The following ELMO2 variants were observed in gnomAD, a reference collection of about 807,000 sequenced individuals.
ELMO2 encodes engulfment and cell motility protein 2.
A neutral mutation model predicts 96.2 loss-of-function variants in ELMO2; 37 were observed. The ratio of observed to expected loss-of-function variants is 0.38; its 90% CI spans 0.30 to 0.51. ELMO2 has a LOEUF of 0.51. ELMO2 is among the 20% of genes least tolerant of loss of function. The pLI, the probability that ELMO2 is intolerant of heterozygous loss-of-function variation, is 0.88. For missense variants in ELMO2, 561 were observed against 912.6 expected, an observed-to-expected ratio of 0.61 and a Z score of 4.96; for synonymous variants, 315 against 329.4, an observed-to-expected ratio of 0.96 and a Z score of 0.47.
rs1335873714 is a variant in ELMO2, at chr20:46,406,537, C to A, written c.-126+11G>T. The A allele has an allele frequency of 6.6e-6, 1 of 152,606 alleles. No homozygotes were observed. Among genetic ancestry groups the A allele is most frequent in the Admixed American group, 6.5e-5 (1 of 15,290 alleles). 9.5% of individuals were successfully genotyped at this position (152,606 alleles called of 1,614,324 possible). A position where few individuals can be genotyped will look rare whatever the true frequency, so the allele number is the denominator to read the frequency against. On this transcript the variant is annotated intron_variant, in intron 1 of 21. Coordinates refer to ENST00000290246, the MANE Select transcript of ELMO2 (RefSeq NM_133171.5). ...TGCCGCGCCCCGACCCCCAGGGCGC[C>A]CCTCACTCACCAGGGCGCAGACCTA...
At chr20:46,372,068 A>G in intron 16 of ELMO2, 99 bp from the exon 17 acceptor site, 1 of 1,497,098 alleles carries the variant, frequency 6.7e-7, no homozygotes, top group South Asian at 1.2e-5. Flanking sequence ...CAGGGTCTTG[A>G]GCAGGGCAGG....
chr20:46,404,782 TATA>T (rs369708409), intron 1 of ELMO2, among the ~76,000 whole-genome samples: 161 of 152,350 alleles, frequency 1.1e-3, no homozygotes, highest in South Asian at 3.5e-3. Flanking sequence ...TTGATTATGT[TATA>T]ATAATATAAT....
In ELMO2 at chr20:46,394,084, C is replaced by T; in HGVS notation, c.84G>A (p.Arg28=). ...NAQLLEIDQK[R]PLASIIKEVC... ...CTTCCTTGATAATGGATGCCAGGGG[C>T]CGTTTCTGAAAGAGAGAGAGAGAAA... The change falls in exon 4 of 22, where the codon CGG becomes CGA. Residue 28 remains arginine, a synonymous_variant. Coordinates refer to ENST00000290246, the MANE Select transcript of ELMO2 (RefSeq NM_133171.5). The T allele has an allele frequency of 6.2e-7, 1 of 1,613,798 alleles. No individual in the cohort carries two copies. Among genetic ancestry groups the T allele is most frequent in the Middle Eastern group, 1.6e-4 (1 of 6,062 alleles).
Position 46,387,419 on chromosome 20 carries a change from T to A in ELMO2, c.444A>T (p.Ala148=), listed in dbSNP as rs1308038044. The A allele has an allele frequency of 1.2e-6, 2 of 1,613,918 alleles. No homozygotes were observed. The highest frequency in any genetic ancestry group is 3.3e-5 in the Admixed American group (2 of 59,992). Residue 148 remains alanine, a synonymous_variant, in exon 8 of 22, where the codon GCA becomes GCT. Transcript: ENST00000290246. ...KLLSHYSEML[A]FTLTAFLELM... is the part of the protein sequence containing the mutation. ...GCTCTAGGAAGGCAGTCAGGGTGAA[T>A]GCCAGCATCTCACTGTAGCTGAGAC...
chr20:46,393,901 G>A (rs2060200905), intron 4 of ELMO2, 148 bp downstream of exon 4: 3 of 1,106,118 alleles, frequency 2.7e-6, no homozygotes, highest in Non-Finnish European at 2.6e-6. Flanking sequence ...GTTGTCAACT[G>A]TACTTCCTTC....
chr20:46,376,875 C>T, intron 11 of ELMO2: 1 of 1,188,066 alleles, frequency 8.4e-7, no homozygotes, highest in Non-Finnish European at 1.1e-6. Context: ...GCATTTAAAT[C>T]AGTTAAAACA....
Position 46,367,356 on chromosome 20 carries a change from A to C in ELMO2, c.*4T>G. 1 of 1,508,252 alleles carries C rather than the reference A, an allele frequency of 6.6e-7. No individual in the cohort carries two copies. Among genetic ancestry groups the C allele is most frequent in the Non-Finnish European group, 8.9e-7 (1 of 1,127,650 alleles). The allele number at this position is 1,508,252 out of a possible 1,614,324, so 93.4% of individuals were successfully genotyped here. On this transcript the variant is annotated 3_prime_UTR_variant, in exon 22 of 22. Transcript: ENST00000290246. ...CCTGGGTACCGTCGTTTCTGGCTCC[A>C]GGCTCAGCCATAGTGATAGACAAAG... is the stretch of plus-strand genomic sequence containing the variant.
chr20:46,389,533 TG>T (rs1272661469), intron 6 of ELMO2, among the ~76,000 whole-genome samples: 1 of 152,164 alleles, frequency 6.6e-6, no homozygotes, highest in Non-Finnish European at 1.5e-5. Flanking sequence ...AAACAGATAC[TG>T]GTTTAATAGA....
At chr20:46,384,424 C>T (rs749677414) in intron 9 of ELMO2, among the ~76,000 whole-genome samples, 2 of 152,094 alleles carry the variant, frequency 1.3e-5, no homozygotes, top group Non-Finnish European at 2.9e-5. Flanking sequence ...CTAAGTATCC[C>T]TCAGCCCAAA....
chr20:46,374,364 A>G lies in ELMO2; in HGVS notation c.1247T>C (p.Met416Thr). ...FGRSAIELTK[M>T]LCEILQVGEL... ...CCCAACCTGCAGGATTTCACAGAGC[A>G]TTTTGGTGAGCTCAATGGCACTGCG... is the stretch of plus-strand genomic sequence containing the variant. The change falls in exon 15 of 22, where the codon ATG becomes ACG. Residue 416 changes from methionine (M) to threonine (T), a missense_variant. Transcript: ENST00000290246. 1 of 1,614,114 alleles carries G rather than the reference A, an allele frequency of 6.2e-7. No homozygotes were observed. Among genetic ancestry groups the G allele is most frequent in the Non-Finnish European group, 8.5e-7 (1 of 1,180,014 alleles).
At chr20:46,376,982 A>C (rs1016610737) in intron 11 of ELMO2, 2 of 376,980 alleles carry the variant, frequency 5.3e-6, no homozygotes, top group African/African-American at 4.3e-5. Context: ...CAGATACGGA[A>C]CACTTCCATT....
chr20:46,375,649 T>C lies in ELMO2; in HGVS notation c.930+19A>G. On this transcript the variant is annotated intron_variant, in intron 12 of 21. Transcript: ENST00000290246. This position sits in a 1 kb window ranked among gnomAD's most constrained non-coding sequence, Gnocchi z 4.6. ...TGCACCACAGCCATGAGAAAACAGC[T>C]GCCCCACTTAGCACCTACCTGGTCA... 1 of 1,613,944 alleles carries C rather than the reference T, an allele frequency of 6.2e-7. No individual in the cohort carries two copies. Among genetic ancestry groups the C allele is most frequent in the Middle Eastern group, 1.7e-4 (1 of 6,056 alleles).
intron 1 of ELMO2, among the ~76,000 whole-genome samples, chr20:46,406,097 G>C (rs1006087230): frequency 6.6e-6 from 1 of 152,164 alleles, no homozygotes; most frequent in African/African-American, 2.4e-5. Context: ...GGGCGGACTG[G>C]TGGACGCGGG....
At chr20:46,377,995 C>T (rs1020733561) in intron 11 of ELMO2, among the ~76,000 whole-genome samples, 4 of 152,206 alleles carry the variant, frequency 2.6e-5, no homozygotes, top group Non-Finnish European at 4.4e-5. Context: ...TCTCTACCTT[C>T]GTCTATCCTA....
At position 46,375,600 on chromosome 20, in the gene ELMO2, C is replaced by A; in HGVS notation, c.930+68G>T. 1.2e-6 allele frequency: 2 copies of A among 1,605,218 alleles called. No individual in the cohort carries two copies. The highest frequency in any genetic ancestry group is 1.7e-6 in the Non-Finnish European group (2 of 1,173,632). ...TGCAGACAAAGACCAAGCACAGTGC[C>A]TGGCACATAGACTAAGGCTGGACTG... On this transcript the variant is annotated intron_variant, in intron 12 of 21. Coordinates refer to ENST00000290246, the MANE Select transcript of ELMO2 (RefSeq NM_133171.5). The surrounding 1 kb of genome is among the most constrained non-coding windows in gnomAD (Gnocchi z 4.6).
In ELMO2 at chr20:46,367,522, C is replaced by A; in HGVS notation, c.2001G>T (p.Gly667=). 6.2e-7 allele frequency: 1 copy of A among 1,613,204 alleles called. No homozygotes were observed. Among genetic ancestry groups the A allele is most frequent in the Non-Finnish European group, 8.5e-7 (1 of 1,179,648 alleles). Residue 667 remains glycine (G), a synonymous_variant, in exon 22 of 22, where the codon GGG becomes GGT. Transcript: ENST00000290246. The part of the protein sequence containing the change: ...IWIDGLSALL[G]KDMSSELTKS... ...TGGTCAGCTCACTGGACATGTCCTT[C>A]CCCAGAAGGGCACTGAGGCCATCAA... is the stretch of plus-strand genomic sequence containing the variant.
Position 46,383,396 on chromosome 20 carries a change from G to T in ELMO2, c.756+20C>A. The T allele has an allele frequency of 6.2e-7, 1 of 1,611,402 alleles. No homozygotes were observed. The highest frequency in any genetic ancestry group is 8.5e-7 in the Non-Finnish European group (1 of 1,177,486). ...TCTCAGAAGAGCCCAGATGAAAAAT[G>T]TGAAAAGGCAGCCACAGACCTGTCG... is the stretch of plus-strand genomic sequence containing the variant. On this transcript the variant is annotated intron_variant, in intron 10 of 21. Coordinates refer to ENST00000290246, the MANE Select transcript of ELMO2 (RefSeq NM_133171.5).
intron 1 of ELMO2, among the ~76,000 whole-genome samples, chr20:46,400,906 A>C (rs1055492789): frequency 6.6e-6 from 1 of 152,234 alleles, no homozygotes; most frequent in Non-Finnish European, 1.5e-5. Flanking sequence ...TTCTGAGAGC[A>C]GGATTGGAAA....
In ELMO2 at chr20:46,376,949, C is replaced by T. The variant is rs1600837061; in HGVS notation, c.808-1159G>A. 9.8e-6 allele frequency: 5 copies of T among 510,254 alleles called. No homozygotes were observed. In the South Asian group the frequency reaches 9.8e-5, roughly 10 times the overall value. 31.6% of individuals were successfully genotyped at this position (510,254 alleles called of 1,614,324 possible). A position where few individuals can be genotyped will look rare whatever the true frequency, so the allele number is the denominator to read the frequency against. On this transcript the variant is annotated intron_variant, in intron 11 of 21. Transcript: ENST00000290246. ...CACATTTTAAGTGCTTAGTAGTCAC[C>T]GTGGCTAGCGGCTACAGCAATGCAG...
Sources: gnomAD v4.1 joint callset for allele counts (sites outside exome capture counted in the v4.1 genomes callset) on GRCh38, gnomAD v4.1.1 for gene constraint, Gnocchi (gnomAD v3.1) non-coding constraint, MANE v1.5 for transcripts, NCBI Gene and HGNC (gene_info 2026-07-23, HGNC 2026-07-21) for gene names.